The following GAS7 variants were observed in gnomAD, a reference collection of about 807,000 sequenced individuals.
GAS7 encodes growth arrest-specific protein 7.
Under a neutral mutation model 71.1 loss-of-function variants are expected in GAS7, and 28 were observed. That is an observed-to-expected ratio of 0.39 (90% CI 0.29 to 0.54). The LOEUF (loss-of-function observed/expected upper bound fraction) is 0.54, where lower values mean the gene tolerates loss of function less well. Among genes scored for constraint, GAS7 ranks in the 20% least tolerant of loss-of-function variants. GAS7 has a pLI of 0.62. For synonymous variants in GAS7, 258 were observed against 245.8 expected, an observed-to-expected ratio of 1.05 and a Z score of -0.46; for missense variants, 436 against 627.8, an observed-to-expected ratio of 0.69 and a Z score of 3.27.
chr17:9,913,560 A>G lies in GAS7; in HGVS notation c.*3668T>C, dbSNP rs963663793. On this transcript the variant is annotated 3_prime_UTR_variant, in exon 14 of 14. Coordinates refer to ENST00000432992, the MANE Select transcript of GAS7 (RefSeq NM_201433.2). The stretch of plus-strand genomic sequence containing the variant: ...CCCTGGTTGGTGAATTCGTTGGTAC[A>G]CTGTTTCGGTGTGCCCAGCTGTTTA... 1 of 231,198 alleles carries G rather than the reference A, an allele frequency of 4.3e-6. No homozygotes were observed. Among genetic ancestry groups the G allele is most frequent in the Admixed American group, 5.7e-5 (1 of 17,658 alleles). 14.3% of individuals were successfully genotyped at this position (231,198 alleles called of 1,614,324 possible).
intron 1 of GAS7, among the ~76,000 whole-genome samples, chr17:10,141,341 G>A (rs760657281): frequency 2.0e-5 from 3 of 152,076 alleles, no homozygotes; most frequent in African/African-American, 7.2e-5. Flanking sequence ...CCAGCTACTC[G>A]GGAGGCTGAG....
rs1168698479 is a variant in GAS7 at position 10,006,316 on chromosome 17, CTTTTTTTTTTTT to C, written c.304+13449_304+13460del. ...ATGAAAACAGTACAAGCCCCAGATT[CTTTTTTTTTTTT>C]TTTTTTTTTTTTTTTTTTTGAGACA... On this transcript the variant is annotated intron_variant, in intron 2 of 13. Transcript: ENST00000432992. Among the ~76,000 whole-genome samples the C allele has an allele frequency of 5.0e-4, 33 of 65,610 alleles. 1 individual carries two copies. Among genetic ancestry groups the C allele is most frequent in the Admixed American group, 1.2e-3 (6 of 4,804 alleles). 43.0% of individuals were successfully genotyped at this position (65,610 alleles called of 152,430 possible). A position where few individuals can be genotyped will look rare whatever the true frequency, so the allele number is the denominator to read the frequency against.
intron 1 of GAS7, among the ~76,000 whole-genome samples, chr17:10,190,268 A>G (rs1192470760): frequency 6.6e-6 from 1 of 152,144 alleles, no homozygotes; most frequent in Non-Finnish European, 1.5e-5. Flanking sequence ...TTGCCAACGC[A>G]AGTTAAGAAG....
intron 1 of GAS7, among the ~76,000 whole-genome samples, chr17:10,164,507 G>A (rs913807275): frequency 4.6e-5 from 7 of 150,910 alleles, no homozygotes; most frequent in Non-Finnish European, 7.4e-5. Context: ...TCCTAGAAAA[G>A]GTTTAACTAG....
intron 1 of GAS7, among the ~76,000 whole-genome samples, chr17:10,106,665 A>T (rs978031446): frequency 2.0e-5 from 3 of 152,184 alleles, no homozygotes; most frequent in African/African-American, 4.8e-5. Flanking sequence ...TCACTTAACC[A>T]ATTCCAGCAA....
chr17:9,948,060 G>A (rs576956581), intron 5 of GAS7, among the ~76,000 whole-genome samples: 5 of 152,200 alleles, frequency 3.3e-5, no homozygotes, highest in Non-Finnish European at 7.3e-5. Context: ...TAAGAATACA[G>A]TGTATAATAC....
chr17:10,051,401 G>A (rs1289429019), intron 1 of GAS7, among the ~76,000 whole-genome samples: 4 of 152,178 alleles, frequency 2.6e-5, no homozygotes, highest in African/African-American at 4.8e-5. Flanking sequence ...CGTGAATGAC[G>A]AGACTAGAAT....
intron 1 of GAS7, among the ~76,000 whole-genome samples, chr17:10,170,980 T>C (rs1020836801): frequency 2.6e-5 from 4 of 152,150 alleles, no homozygotes; most frequent in East Asian, 1.9e-4. Context: ...CTGGGATCAA[T>C]TGTCTTCTAA....
chr17:9,973,073 G>T (rs2070033046), intron 3 of GAS7, among the ~76,000 whole-genome samples: 1 of 152,108 alleles, frequency 6.6e-6, no homozygotes, highest in Non-Finnish European at 1.5e-5. Flanking sequence ...ATAGAAAAGT[G>T]GTAACAGAAA....
intron 1 of GAS7, among the ~76,000 whole-genome samples, chr17:10,122,471 G>C (rs1597804828): frequency 6.6e-6 from 1 of 152,244 alleles, no homozygotes; most frequent in African/African-American, 2.4e-5. Context: ...AGCGAGAAAG[G>C]CCCCCTGGGA....
intron 3 of GAS7, among the ~76,000 whole-genome samples, chr17:9,973,529 C>T (rs538251700): frequency 2.0e-4 from 30 of 152,310 alleles, no homozygotes; most frequent in African/African-American, 6.7e-4. Flanking sequence ...GCTGGGATTA[C>T]CGGCATGAGC....
chr17:10,187,819 A>G (rs2074467027), intron 1 of GAS7, among the ~76,000 whole-genome samples: 1 of 152,188 alleles, frequency 6.6e-6, no homozygotes, highest in Non-Finnish European at 1.5e-5. Flanking sequence ...TTCCCACAAA[A>G]GGATACTTAC....
At chr17:9,948,162 A>C (rs1181206303) in intron 5 of GAS7, among the ~76,000 whole-genome samples, 1 of 152,244 alleles carries the variant, frequency 6.6e-6, no homozygotes, top group Non-Finnish European at 1.5e-5. Flanking sequence ...TCAAAGTTAT[A>C]TGTCAATTTT....
chr17:10,057,421 T>C (rs1259209382), intron 1 of GAS7, among the ~76,000 whole-genome samples: 4 of 147,470 alleles, frequency 2.7e-5, no homozygotes, highest in African/African-American at 1.0e-4. Context: ...GTCTGGAATG[T>C]GGGGAGCGCC....
At position 10,022,396 on chromosome 17, in the gene GAS7, T is replaced by C. The variant is rs185620365; in HGVS notation, c.184-2499A>G. On this transcript the variant is annotated intron_variant, in intron 1 of 13. Transcript: ENST00000432992. ...TTCAATCAAACATGGGAAAGCCATA[T>C]TGGTACTTATCCAAATAACTTGGGA... Among the ~76,000 whole-genome samples the C allele has an allele frequency of 2.2e-3, 332 of 152,290 alleles. 2 individuals carry two copies. The highest frequency in any genetic ancestry group is 4.4e-4 in the Non-Finnish European group (30 of 68,014).
chr17:9,923,065 C>T (rs1256332583), intron 11 of GAS7, among the ~76,000 whole-genome samples: 1 of 152,192 alleles, frequency 6.6e-6, no homozygotes, highest in Non-Finnish European at 1.5e-5. Context: ...CACACCACCA[C>T]ACCCAGCTAA....
chr17:10,197,283 G>A (rs1037316323), intron 1 of GAS7, among the ~76,000 whole-genome samples: 4 of 152,054 alleles, frequency 2.6e-5, no homozygotes, highest in African/African-American at 9.7e-5. Context: ...GATTTCTTCC[G>A]GCAGTGTTTT....
rs1488034280 is a variant in GAS7, at chr17:9,916,416, T to C, written c.*812A>G. 10 of 233,152 alleles carry C rather than the reference T, an allele frequency of 4.3e-5. No homozygotes were observed. Among genetic ancestry groups the C allele is most frequent in the African/African-American group, 1.5e-4 (7 of 45,320 alleles). The allele number at this position is 233,152 out of a possible 1,614,324, so 14.4% of individuals were successfully genotyped here. ...GATGAGGTCTTGATAACTGAGAACT[T>C]TGGAAAGCTTCCTCTAATGAGACTG... On this transcript the variant is annotated 3_prime_UTR_variant, in exon 14 of 14. Transcript: ENST00000432992.
chr17:10,092,629 A>G (rs747049102), intron 1 of GAS7, among the ~76,000 whole-genome samples: 5 of 152,244 alleles, frequency 3.3e-5, no homozygotes, highest in Non-Finnish European at 7.3e-5. Flanking sequence ...AACAATCACA[A>G]ACCTCTTGGC....
Sources: gnomAD v4.1 joint callset for allele counts (sites outside exome capture counted in the v4.1 genomes callset) on GRCh38, gnomAD v4.1.1 for gene constraint, MANE v1.5 for transcripts, NCBI Gene and HGNC (gene_info 2026-07-23, HGNC 2026-07-21) for gene names.